Variants in PTPRG observed in about 807,000 individuals in gnomAD.
The protein encoded by PTPRG is receptor-type tyrosine-protein phosphatase gamma.
In PTPRG, 102 loss-of-function variants were observed where a neutral mutation model predicts 165.3. That is an observed-to-expected ratio of 0.62 (90% CI 0.53 to 0.73). PTPRG has a LOEUF of 0.73. Among genes scored for constraint, PTPRG ranks in the 30% least tolerant of loss-of-function variants. The pLI, the probability that PTPRG is intolerant of heterozygous loss-of-function variation, is 0.00. For synonymous variants in PTPRG, 675 were observed against 669.5 expected (o/e 1.01, Z -0.13); for missense variants, 1,866 against 1,861.4 (o/e 1.00, Z -0.05).
chr3:62,202,216 G>A (rs896849081), intron 11 of PTPRG, among the ~76,000 whole-genome samples: 4 of 152,148 alleles, frequency 2.6e-5, no homozygotes, highest in African/African-American at 9.7e-5. Context: ...AGCACTTCTT[G>A]TTTTCCTAAG....
intron 1 of PTPRG, among the ~76,000 whole-genome samples, chr3:61,649,329 T>G (rs1392699062): frequency 1.3e-5 from 2 of 152,174 alleles, no homozygotes; most frequent in African/African-American, 4.8e-5. Context: ...TTTGGTAATT[T>G]ATAAACAATA....
At chr3:61,860,570 A>G (rs989414028) in intron 2 of PTPRG, among the ~76,000 whole-genome samples, 3 of 150,692 alleles carry the variant, frequency 2.0e-5, no homozygotes, top group Non-Finnish European at 4.4e-5. Context: ...CCTCTGGAGT[A>G]GATGGGATTA....
intron 1 of PTPRG, among the ~76,000 whole-genome samples, chr3:61,663,563 G>GA (rs1702726911): frequency 6.6e-6 from 1 of 152,008 alleles, no homozygotes; most frequent in Admixed American, 6.6e-5. Context: ...GGGGGTTGGG[G>GA]GGATGGTTTT....
Position 62,255,995 on chromosome 3 carries a change from G to A in PTPRG, c.2559+780G>A, listed in dbSNP as rs572668709. On this transcript the variant is annotated intron_variant, in intron 16 of 29. Coordinates refer to ENST00000474889, the MANE Select transcript of PTPRG (RefSeq NM_002841.4). This position sits in a 1 kb window ranked among gnomAD's most constrained non-coding sequence, Gnocchi z 4.0. ...AGACTGCCCTTTTCTTCACTGAGGC[G>A]CTTAACTAAGGCACATCTCTGGCAG... Among the ~76,000 whole-genome samples, 29 of 152,264 alleles carry A rather than the reference G, an allele frequency of 1.9e-4. No individual in the cohort carries two copies. Among genetic ancestry groups the A allele is most frequent in the African/African-American group, 6.0e-4 (25 of 41,550 alleles).
intron 4 of PTPRG, among the ~76,000 whole-genome samples, chr3:62,072,342 A>T (rs1701235897): frequency 6.6e-6 from 1 of 152,140 alleles, no homozygotes; most frequent in Admixed American, 6.5e-5. Flanking sequence ...TGCCCCTGTA[A>T]AATTCCATTT....
At chr3:61,620,791 G>T (rs1396410144) in intron 1 of PTPRG, among the ~76,000 whole-genome samples, 1 of 151,886 alleles carries the variant, frequency 6.6e-6, no homozygotes, top group African/African-American at 2.4e-5. Flanking sequence ...ACCATGCCCA[G>T]CTAGTTTTTG....
chr3:61,777,671 C>T (rs180777601), intron 2 of PTPRG, among the ~76,000 whole-genome samples: 4 of 152,184 alleles, frequency 2.6e-5, no homozygotes, highest in East Asian at 3.9e-4. Context: ...CGTGGAAATC[C>T]GGGAAGACTT....
chr3:61,961,685 C>T (rs924592839), intron 2 of PTPRG, among the ~76,000 whole-genome samples: 4 of 152,202 alleles, frequency 2.6e-5, no homozygotes, highest in Non-Finnish European at 5.9e-5. Flanking sequence ...ATTGCTCAGT[C>T]TCAACCAGAC....
intron 4 of PTPRG, among the ~76,000 whole-genome samples, chr3:62,066,708 A>T (rs1701023943): frequency 6.6e-6 from 1 of 152,182 alleles, no homozygotes; most frequent in African/African-American, 2.4e-5. Context: ...CAGTCACCTC[A>T]AGAGAAGTTG....
chr3:62,021,339 T>A (rs2041684994), intron 4 of PTPRG, among the ~76,000 whole-genome samples: 1 of 152,204 alleles, frequency 6.6e-6, no homozygotes, highest in Non-Finnish European at 1.5e-5. Flanking sequence ...AGGAGCCAGG[T>A]GTATATGACA....
At chr3:61,929,077 A>G (rs925665671) in intron 2 of PTPRG, among the ~76,000 whole-genome samples, 5 of 152,218 alleles carry the variant, frequency 3.3e-5, no homozygotes, top group Non-Finnish European at 7.3e-5. Flanking sequence ...GAGAAACCCT[A>G]GAGTGGCATA....
chr3:61,680,741 G>A (rs1232613211), intron 1 of PTPRG, among the ~76,000 whole-genome samples: 1 of 131,940 alleles, frequency 7.6e-6, no homozygotes, highest in Non-Finnish European at 1.8e-5. Flanking sequence ...GTTATCAGGT[G>A]TGGTACAGGT....
intron 4 of PTPRG, among the ~76,000 whole-genome samples, chr3:62,047,671 A>G (rs1206787631): frequency 6.6e-6 from 1 of 151,962 alleles, no homozygotes; most frequent in Non-Finnish European, 1.5e-5. Context: ...CTGTCACCTT[A>G]TGTAATACGC....
chr3:62,218,808 C>T, intron 12 of PTPRG, 43 bp from the exon 13 acceptor site: 1 of 1,591,816 alleles, frequency 6.3e-7, no homozygotes, highest in Non-Finnish European at 8.6e-7. Flanking sequence ...GCTCCCACCT[C>T]CACTAACCTC....
chr3:62,262,325 G>C (rs1701724586), intron 16 of PTPRG: 1 of 152,532 alleles, frequency 6.6e-6, no homozygotes, highest in Non-Finnish European at 1.5e-5. Flanking sequence ...TATAAGGCCT[G>C]TAAGCATATT....
At position 62,281,588 on chromosome 3, in the gene PTPRG, C is replaced by T; in HGVS notation, c.3791C>T (p.Pro1264Leu). 7.2e-7 allele frequency: 1 copy of T among 1,384,486 alleles called. No individual in the cohort carries two copies. The highest frequency in any genetic ancestry group is 9.6e-7 in the Non-Finnish European group (1 of 1,043,798). The allele number at this position is 1,384,486 out of a possible 1,614,324, so 85.8% of individuals were successfully genotyped here. ...SLAEDEFVYW[P>L]SREESMNCEA... ...GCAGAAGATGAGTTTGTGTACTGGCCAAGTCGAGAAGAATCCATGAACTGT... is the reference window on the plus strand; with the variant it reads ...GCAGAAGATGAGTTTGTGTACTGGCTAAGTCGAGAAGAATCCATGAACTGT... Residue 1264 changes from proline (P) to leucine (L), a missense_variant, in exon 27 of 30, where the codon CCA becomes CTA. By Grantham distance (98) the Pro-to-Leu change is moderately conservative (BLOSUM62 -3). This residue lies in a region of PTPRG where 1,452 missense variants were observed against 1,463.0 expected (regional missense o/e 0.99). Coordinates refer to ENST00000474889, the MANE Select transcript of PTPRG (RefSeq NM_002841.4).
At chr3:61,690,320 C>T (rs550608102) in intron 1 of PTPRG, among the ~76,000 whole-genome samples, 3 of 152,304 alleles carry the variant, frequency 2.0e-5, no homozygotes, top group South Asian at 4.1e-4. Flanking sequence ...CCCTAAGGAA[C>T]AGCATCAGAT....
At chr3:61,936,990 C>G (rs145080288) in intron 2 of PTPRG, among the ~76,000 whole-genome samples, 1 of 152,144 alleles carries the variant, frequency 6.6e-6, no homozygotes, top group Non-Finnish European at 1.5e-5. Flanking sequence ...AGGTATCTTG[C>G]GAATCAGATG....
intron 2 of PTPRG, among the ~76,000 whole-genome samples, chr3:61,812,775 C>G (rs1157474399): frequency 6.6e-6 from 1 of 152,196 alleles, no homozygotes; most frequent in African/African-American, 2.4e-5. Flanking sequence ...TCAGATAATT[C>G]TCTGATGCAG....
Sources: allele counts gnomAD v4.1 joint callset (sites outside exome capture counted in the v4.1 genomes callset), GRCh38; gene constraint gnomAD v4.1.1; regional missense constraint gnomAD v4.1.1; non-coding constraint Gnocchi (gnomAD v3.1); transcripts MANE v1.5; gene names NCBI Gene and HGNC (gene_info 2026-07-23, HGNC 2026-07-21).